The following STAG1 variants were observed in gnomAD, a reference collection of about 807,000 sequenced individuals.
STAG1 encodes the protein STAG1 cohesin complex component, also known as cohesin subunit SA-1.
In STAG1, 26 loss-of-function variants were observed where a neutral mutation model predicts 170.9. The observed-to-expected ratio is 0.15, with a 90% CI of 0.11 to 0.21. The LOEUF (loss-of-function observed/expected upper bound fraction) is 0.21, where lower values mean the gene tolerates loss of function less well. Among genes scored for constraint, STAG1 ranks in the 10% least tolerant of loss-of-function variants. The pLI is 1.00. For missense variants in STAG1, 964 were observed against 1,509.5 expected (o/e 0.64, Z 5.99); for synonymous variants, 514 against 497.7 (o/e 1.03, Z -0.44).
At chr3:136,679,718 G>C (rs899654530) in intron 1 of STAG1, among the ~76,000 whole-genome samples, 6 of 130,098 alleles carry the variant, frequency 4.6e-5, no homozygotes, top group African/African-American at 1.8e-4. Context: ...GAAAGAGCAA[G>C]ACTCCGTCTT....
chr3:136,456,860 C>G (rs2089127388), intron 13 of STAG1, among the ~76,000 whole-genome samples: 1 of 152,136 alleles, frequency 6.6e-6, no homozygotes, highest in Admixed American at 6.6e-5. Context: ...ATGCTATATT[C>G]AAAGTTTTGA....
chr3:136,636,121 G>A (rs900665401), intron 1 of STAG1, among the ~76,000 whole-genome samples: 1 of 151,886 alleles, frequency 6.6e-6, no homozygotes, highest in Non-Finnish European at 1.5e-5. Context: ...GGTGGTACGC[G>A]CCTGTAATCC....
At chr3:136,378,020 G>C (rs888808286) in intron 22 of STAG1, among the ~76,000 whole-genome samples, 1 of 152,112 alleles carries the variant, frequency 6.6e-6, no homozygotes, top group African/African-American at 2.4e-5. Context: ...TATAAATATG[G>C]TTTATTTAGG....
At chr3:136,586,313 C>G (rs529134091) in intron 4 of STAG1, among the ~76,000 whole-genome samples, 95 of 152,048 alleles carry the variant, frequency 6.2e-4, no homozygotes, top group African/African-American at 2.2e-3. Context: ...TCTTTACTTA[C>G]TTGATCTGCC....
chr3:136,545,620 AAG>A (rs1210059261), intron 5 of STAG1, among the ~76,000 whole-genome samples: 2 of 152,248 alleles, frequency 1.3e-5, no homozygotes, highest in African/African-American at 4.8e-5. Context: ...GGGTCTGGGG[AAG>A]AGGTAAAGAA....
chr3:136,424,105 C>T (rs961337390), intron 16 of STAG1, among the ~76,000 whole-genome samples: 3 of 151,988 alleles, frequency 2.0e-5, no homozygotes, highest in Non-Finnish European at 2.9e-5. Context: ...TCAAGTGATC[C>T]ACCACGCCCG....
chr3:136,583,438 T>G, intron 4 of STAG1, among the ~76,000 whole-genome samples: 1 of 152,118 alleles, frequency 6.6e-6, no homozygotes, highest in Non-Finnish European at 1.5e-5. Flanking sequence ...CAAGTATAAT[T>G]AAAATAATTT....
intron 22 of STAG1, among the ~76,000 whole-genome samples, chr3:136,379,211 A>C (rs1937797831): frequency 6.6e-6 from 1 of 152,198 alleles, no homozygotes; most frequent in Non-Finnish European, 1.5e-5. Flanking sequence ...TGAGGGAAAC[A>C]GATAAGAGAA....
intron 13 of STAG1, among the ~76,000 whole-genome samples, chr3:136,463,768 T>TGTGTGTGC (rs755853025): frequency 2.6e-5 from 1 of 38,590 alleles, no homozygotes; most frequent in African/African-American, 1.7e-4. Context: ...TGTGTGTGTG[T>TGTGTGTGC]ATACACACAC....
intron 23 of STAG1, among the ~76,000 whole-genome samples, chr3:136,372,818 TTG>T (rs1181287117): frequency 6.6e-6 from 1 of 152,282 alleles, no homozygotes; most frequent in South Asian, 2.1e-4. Flanking sequence ...TCTTTTTTTG[TTG>T]TGTCTCCGCC....
chr3:136,525,587 CTA>C (rs1934970113), intron 6 of STAG1, among the ~76,000 whole-genome samples: 1 of 152,152 alleles, frequency 6.6e-6, no homozygotes, highest in Admixed American at 6.5e-5. Context: ...TTTTCTGTCT[CTA>C]TCTCCTTCAG....
At chr3:136,692,664 A>T (rs1942765572) in intron 1 of STAG1, among the ~76,000 whole-genome samples, 1 of 152,174 alleles carries the variant, frequency 6.6e-6, no homozygotes, top group African/African-American at 2.4e-5. Context: ...ACAGTGAAAA[A>T]TTTACTATCA....
At chr3:136,624,774 A>C (rs776980394) in intron 2 of STAG1, among the ~76,000 whole-genome samples, 9 of 152,228 alleles carry the variant, frequency 5.9e-5, no homozygotes, top group Non-Finnish European at 1.3e-4. Context: ...TTCCTACCAT[A>C]GCCAATTTCA....
chr3:136,471,162 G>C (rs747548423), intron 12 of STAG1, among the ~76,000 whole-genome samples: 2 of 150,734 alleles, frequency 1.3e-5, no homozygotes. Flanking sequence ...GGAGTTAGCA[G>C]TTTTAATGTG....
At chr3:136,356,685 C>T (rs1936668306) in intron 28 of STAG1, among the ~76,000 whole-genome samples, 1 of 152,176 alleles carries the variant, frequency 6.6e-6, no homozygotes, top group African/African-American at 2.4e-5. Flanking sequence ...TTATAAAGGA[C>T]TCTCTGTCTT....
At chr3:136,385,021 G>A (rs1347805515) in intron 22 of STAG1, among the ~76,000 whole-genome samples, 1 of 152,156 alleles carries the variant, frequency 6.6e-6, no homozygotes, top group Non-Finnish European at 1.5e-5. Flanking sequence ...ATACAGAAGA[G>A]TAATCTATGC....
chr3:136,687,865 T>C (rs1377506121), intron 1 of STAG1, among the ~76,000 whole-genome samples: 1 of 151,736 alleles, frequency 6.6e-6, no homozygotes, highest in Non-Finnish European at 1.5e-5. Context: ...GCCTCCCGAG[T>C]AGCTGGGACT....
chr3:136,528,212 G>C (rs1192713399), intron 6 of STAG1, among the ~76,000 whole-genome samples: 2 of 152,146 alleles, frequency 1.3e-5, no homozygotes, highest in Non-Finnish European at 2.9e-5. Context: ...AGGCCTCCTT[G>C]AGCTGTGGTG....
At chr3:136,490,328 G>A (rs899477786) in intron 9 of STAG1, among the ~76,000 whole-genome samples, 1 of 152,036 alleles carries the variant, frequency 6.6e-6, no homozygotes, top group Non-Finnish European at 1.5e-5. Context: ...GCACCCGACT[G>A]CTAAGAGTTA....
Sources: gnomAD v4.1 joint callset for allele counts (sites outside exome capture counted in the v4.1 genomes callset) on GRCh38, gnomAD v4.1.1 for gene constraint, MANE v1.5 for transcripts, NCBI Gene and HGNC (gene_info 2026-07-23, HGNC 2026-07-21) for gene names.